Variants in GLIS1 observed in about 807,000 individuals in gnomAD.
GLIS1 encodes GLIS family zinc finger 1.
GLIS1 carries 24 observed loss-of-function variants against 63.8 expected under a neutral mutation model. That is an observed-to-expected ratio of 0.38 (90% CI 0.27 to 0.53). GLIS1 has a LOEUF of 0.53. Ranked by LOEUF, GLIS1 falls within the 20% of genes least tolerant of loss-of-function variation. The pLI, the probability that GLIS1 is intolerant of heterozygous loss-of-function variation, is 0.85. For synonymous variants in GLIS1, 450 were observed against 482.5 expected (o/e 0.93, Z 0.88); for missense variants, 1,036 against 1,074.1 (o/e 0.96, Z 0.50).
chr1:53,518,145 G>A lies in GLIS1; in HGVS notation c.1726+2489C>T, dbSNP rs140408987. Reference sequence around the variant, plus strand: ...GGATCCTAGGGGATCCAGGACCCCGGGCTTCACCTGCCTGGTCCTGCCCTC... The same window carrying A: ...GGATCCTAGGGGATCCAGGACCCCGAGCTTCACCTGCCTGGTCCTGCCCTC... On this transcript the variant is annotated intron_variant, in intron 7 of 10. Coordinates refer to ENST00000628545, the MANE Select transcript of GLIS1 (RefSeq NM_001367484.1). Among the ~76,000 whole-genome samples the A allele has an allele frequency of 1.2e-3, 178 of 152,316 alleles. 1 individual carries two copies. The highest frequency in any genetic ancestry group is 4.2e-3 in the African/African-American group (173 of 41,578).
chr1:53,550,927 T>C (rs916901929), intron 4 of GLIS1, among the ~76,000 whole-genome samples: 4 of 152,194 alleles, frequency 2.6e-5, no homozygotes, highest in Non-Finnish European at 5.9e-5. Flanking sequence ...CTCGGCTCAC[T>C]GCAACCTCTG....
At chr1:53,532,252 G>C (rs1361212364) in intron 4 of GLIS1, among the ~76,000 whole-genome samples, 1 of 152,242 alleles carries the variant, frequency 6.6e-6, no homozygotes, top group African/African-American at 2.4e-5. Context: ...GATGGCAATT[G>C]TAGCAGTTCC....
At chr1:53,529,676 C>G in intron 5 of GLIS1, 115 bp downstream of exon 5, 1 of 1,106,874 alleles carries the variant, frequency 9.0e-7, no homozygotes, top group Non-Finnish European at 1.3e-6. Flanking sequence ...TGCCAAGCAT[C>G]TCCTGCCCCA....
chr1:53,694,730 T>C (rs758585491), intron 2 of GLIS1, among the ~76,000 whole-genome samples: 92 of 152,272 alleles, frequency 6.0e-4, no homozygotes, highest in Non-Finnish European at 1.2e-3. Flanking sequence ...CACAGCACAG[T>C]CCTGCACACA....
chr1:53,629,851 A>G (rs1645633684), intron 2 of GLIS1, among the ~76,000 whole-genome samples: 1 of 152,232 alleles, frequency 6.6e-6, no homozygotes, highest in African/African-American at 2.4e-5. Context: ...TCCTGCACAC[A>G]TGCAGGCCTT....
At chr1:53,618,280 A>G (rs1390843929) in intron 2 of GLIS1, among the ~76,000 whole-genome samples, 1 of 152,216 alleles carries the variant, frequency 6.6e-6, no homozygotes, top group Non-Finnish European at 1.5e-5. Context: ...AAATGAATAC[A>G]CCAGGTGAGA....
intron 2 of GLIS1, among the ~76,000 whole-genome samples, chr1:53,708,532 C>T (rs556803625): frequency 6.6e-6 from 1 of 152,224 alleles, no homozygotes; most frequent in East Asian, 1.9e-4. Context: ...ATTCCAACCC[C>T]TTCATTTGGT....
chr1:53,654,533 G>A (rs964101421), intron 2 of GLIS1, among the ~76,000 whole-genome samples: 4 of 152,204 alleles, frequency 2.6e-5, no homozygotes, highest in Admixed American at 6.5e-5. Flanking sequence ...ACAAATGGGC[G>A]TTCTTCAAAG....
chr1:53,544,012 G>A (rs1644671920), intron 4 of GLIS1, among the ~76,000 whole-genome samples: 1 of 152,226 alleles, frequency 6.6e-6, no homozygotes, highest in Admixed American at 6.5e-5. Context: ...GGTGGCGGGA[G>A]GAGCCGTTCT....
intron 5 of GLIS1, among the ~76,000 whole-genome samples, chr1:53,528,569 C>A (rs1644495531): frequency 6.6e-6 from 1 of 152,120 alleles, no homozygotes; most frequent in African/African-American, 2.4e-5. Context: ...CCTGGCCTGG[C>A]CCCAAGAACA....
intron 4 of GLIS1, among the ~76,000 whole-genome samples, chr1:53,542,974 G>A (rs905979300): frequency 1.3e-5 from 2 of 152,220 alleles, no homozygotes; most frequent in Non-Finnish European, 2.9e-5. Context: ...TTCAGCAGGT[G>A]TCAATGTGAT....
chr1:53,529,050 A>T (rs1229901605), intron 5 of GLIS1, among the ~76,000 whole-genome samples: 1 of 152,184 alleles, frequency 6.6e-6, no homozygotes, highest in African/African-American at 2.4e-5. Context: ...CTAATCTGTC[A>T]AATGGCTTCG....
chr1:53,650,297 A>G (rs1018145643), intron 2 of GLIS1, among the ~76,000 whole-genome samples: 7 of 152,238 alleles, frequency 4.6e-5, no homozygotes, highest in African/African-American at 1.7e-4. Context: ...TCCATAAAAA[A>G]GACCACACTT....
rs1278627827 is a variant in GLIS1 at position 53,560,793 on chromosome 1, C to T, written c.1321-30841G>A. Among the ~76,000 whole-genome samples the T allele has an allele frequency of 6.6e-6, 1 of 152,172 alleles. No homozygotes were observed. On this transcript the variant is annotated intron_variant, in intron 4 of 10. Coordinates refer to ENST00000628545, the MANE Select transcript of GLIS1 (RefSeq NM_001367484.1). This position sits in a 1 kb window ranked among gnomAD's most constrained non-coding sequence, Gnocchi z 4.4. ...GTGGCCCACGACAGTGGCGATGAGTCCTTGGACTCCACCCATACCTCAGTA... is the reference window on the plus strand; with the variant it reads ...GTGGCCCACGACAGTGGCGATGAGTTCTTGGACTCCACCCATACCTCAGTA...
intron 2 of GLIS1, among the ~76,000 whole-genome samples, chr1:53,703,458 A>C (rs1178553545): frequency 2.0e-5 from 3 of 151,884 alleles, no homozygotes; most frequent in Non-Finnish European, 4.4e-5. Flanking sequence ...GCAATATAGC[A>C]AGACCCCATC....
At chr1:53,706,603 C>T (rs1170828645) in intron 2 of GLIS1, among the ~76,000 whole-genome samples, 1 of 152,242 alleles carries the variant, frequency 6.6e-6, no homozygotes, top group African/African-American at 2.4e-5. Flanking sequence ...CTCTCTGAAC[C>T]TGGCCTTTCA....
chr1:53,532,175 G>C (rs1644537864), intron 4 of GLIS1, among the ~76,000 whole-genome samples: 1 of 152,200 alleles, frequency 6.6e-6, no homozygotes, highest in Admixed American at 6.5e-5. Flanking sequence ...GACAGGCTCA[G>C]ATATGTGCCC....
intron 4 of GLIS1, among the ~76,000 whole-genome samples, chr1:53,554,631 T>C (rs1296197546): frequency 6.6e-6 from 1 of 151,988 alleles, no homozygotes; most frequent in Non-Finnish European, 1.5e-5. Flanking sequence ...GAGTCCATAT[T>C]GCCCCCCCAG....
intron 2 of GLIS1, among the ~76,000 whole-genome samples, chr1:53,687,816 G>A (rs1245140028): frequency 6.6e-6 from 1 of 152,206 alleles, no homozygotes; most frequent in Non-Finnish European, 1.5e-5. Flanking sequence ...GTCACCAGGG[G>A]ACAGTGACAA....
Sources: allele counts gnomAD v4.1 joint callset (sites outside exome capture counted in the v4.1 genomes callset), GRCh38; gene constraint gnomAD v4.1.1; non-coding constraint Gnocchi (gnomAD v3.1); transcripts MANE v1.5; gene names NCBI Gene and HGNC (gene_info 2026-07-23, HGNC 2026-07-21).